Variants in DNAH8 observed in about 807,000 individuals in gnomAD.
DNAH8 encodes axonemal beta dynein heavy chain 8.
Under a neutral mutation model 562.1 loss-of-function variants are expected in DNAH8, and 382 were observed. That is an observed-to-expected ratio of 0.68 (90% CI 0.63 to 0.74). The LOEUF (loss-of-function observed/expected upper bound fraction) is 0.74, where lower values mean the gene tolerates loss of function less well. Ranked by LOEUF, DNAH8 falls within the 30% of genes least tolerant of loss-of-function variation. The pLI is 0.00. For missense variants in DNAH8, 5,203 were observed against 5,620.4 expected, an observed-to-expected ratio of 0.93 and a Z score of 2.37; for synonymous variants, 1,881 against 1,919.4, an observed-to-expected ratio of 0.98 and a Z score of 0.52.
intron 41 of DNAH8, among the ~76,000 whole-genome samples, chr6:38,856,043 T>A (rs112197744): frequency 3.0e-4 from 46 of 152,322 alleles, no homozygotes; most frequent in African/African-American, 1.1e-3. Context: ...CTGGTATAGA[T>A]CACTAACACT....
At chr6:38,997,978 G>A (rs1403649933) in intron 88 of DNAH8, among the ~76,000 whole-genome samples, 1 of 152,132 alleles carries the variant, frequency 6.6e-6, no homozygotes, top group East Asian at 1.9e-4. Context: ...GGCTGGTCTC[G>A]AACTCCTGAC....
At chr6:39,006,203 C>T (rs897105175) in intron 88 of DNAH8, among the ~76,000 whole-genome samples, 2 of 152,238 alleles carry the variant, frequency 1.3e-5, no homozygotes, top group Non-Finnish European at 2.9e-5. Flanking sequence ...TTAGCACCTA[C>T]AGAACTGTAA....
chr6:38,962,223 T>G lies in DNAH8; in HGVS notation c.12452-9369T>G, dbSNP rs1204156600. On this transcript the variant is annotated intron_variant, in intron 82 of 92. Transcript: ENST00000327475. The stretch of plus-strand genomic sequence containing the variant: ...AAGATGTCAATATTTCCTAAATTAA[T>G]CTATAAATTGAAGCCAAGTCTAATT... Among the ~76,000 whole-genome samples, 7 of 152,214 alleles carry G rather than the reference T, an allele frequency of 4.6e-5. No homozygotes were observed. In the East Asian group the frequency reaches 1.3e-3, roughly 29 times the overall value.
chr6:38,876,271 C>T (rs1019252443), intron 53 of DNAH8, among the ~76,000 whole-genome samples: 1 of 152,122 alleles, frequency 6.6e-6, no homozygotes, highest in Non-Finnish European at 1.5e-5. Context: ...GTCACCTTAG[C>T]CCCCCAGCCT....
chr6:38,870,636 C>T lies in DNAH8; in HGVS notation c.6990+74C>T, dbSNP rs565661396. ...ACATTCCTGTCTGAATAGAAAAACT[C>T]ATAGTTAGTCTTACTTGATGTAAAT... On this transcript the variant is annotated intron_variant, in intron 49 of 92. Transcript: ENST00000327475. 10 of 1,381,720 alleles carry T rather than the reference C, an allele frequency of 7.2e-6. No homozygotes were observed. The East Asian group carries it at 2.2e-4, about 31-fold the overall frequency. 85.6% of individuals were successfully genotyped at this position (1,381,720 alleles called of 1,614,324 possible).
intron 26 of DNAH8, among the ~76,000 whole-genome samples, chr6:38,816,961 CT>C (rs1276962569): frequency 1.3e-5 from 2 of 152,054 alleles, no homozygotes; most frequent in Non-Finnish European, 2.9e-5. Flanking sequence ...CAACTGGTCT[CT>C]TTAACTTTTT....
intron 89 of DNAH8, among the ~76,000 whole-genome samples, chr6:39,009,343 A>G (rs938487486): frequency 6.6e-6 from 1 of 152,092 alleles, no homozygotes; most frequent in Admixed American, 6.5e-5. Context: ...CCAAAAAGCA[A>G]TGGTGTTGGT....
At chr6:38,759,139 CA>C (rs1372339607) in intron 10 of DNAH8, among the ~76,000 whole-genome samples, 3 of 151,376 alleles carry the variant, frequency 2.0e-5, no homozygotes, top group Non-Finnish European at 2.9e-5. Flanking sequence ...CTTGGCTCTA[CA>C]AAAAAAAATT....
intron 1 of DNAH8, among the ~76,000 whole-genome samples, chr6:38,717,059 A>T (rs1582807748): frequency 1.3e-5 from 2 of 152,148 alleles, no homozygotes; most frequent in Non-Finnish European, 2.9e-5. Flanking sequence ...CAAACCAAAA[A>T]AGAACAGCCA....
Position 38,886,932 on chromosome 6 carries a change from C to A in DNAH8, c.8401C>A (p.Gln2801Lys), listed in dbSNP as rs749857369. 2.5e-6 allele frequency: 4 copies of A among 1,614,040 alleles called. No individual in the cohort carries two copies. The South Asian group carries it at 3.3e-5, about 13-fold the overall frequency. ...TGGAGGTGGTCGAAATGATATTCCA[C>A]AACGTTTAAAAAGACAATTTACTGT... ...HPGGGRNDIPQRLKRQFTVFN... is the reference protein window; with the variant it reads ...HPGGGRNDIPKRLKRQFTVFN... The change falls in exon 57 of 93, where the codon CAA (glutamine) becomes AAA (lysine). Residue 2801 changes from glutamine to lysine, a missense_variant. By Grantham distance (53) the Gln-to-Lys change is moderately conservative. Transcript: ENST00000327475.
chr6:38,869,569 G>A (rs553214221), intron 48 of DNAH8, among the ~76,000 whole-genome samples: 12 of 152,342 alleles, frequency 7.9e-5, no homozygotes, highest in African/African-American at 2.9e-4. Context: ...GACATTGCAA[G>A]CAAGGATTGG....
intron 82 of DNAH8, among the ~76,000 whole-genome samples, chr6:38,953,835 C>T (rs984310276): frequency 6.6e-6 from 1 of 151,086 alleles, no homozygotes; most frequent in African/African-American, 2.5e-5. Flanking sequence ...ATCTTGAAAT[C>T]CAATTACTTT....
At chr6:38,972,097 A>G (rs1203353356) in intron 83 of DNAH8, 1 of 153,604 alleles carries the variant, frequency 6.5e-6, no homozygotes, top group Non-Finnish European at 1.4e-5. Flanking sequence ...TGCTATGTTT[A>G]AATACTGATA....
In DNAH8 at chr6:38,984,274, CTT is replaced by C. The variant is rs1764222892; in HGVS notation, c.13022_13023del (p.Phe4341Ter). On this transcript the variant is annotated frameshift_variant, in exon 87 of 93. Coordinates refer to ENST00000327475, the MANE Select transcript of DNAH8 (RefSeq NM_001206927.2). LOFTEE classifies it high-confidence loss of function. ...AATATGGAGGCAGAGTGACAGATGA[CTT>C]TGACAAACGTCTACTTAATTGCTTT... ...VQYGGRVTDD[F>X]DKRLLNCFAR... 1 of 1,610,214 alleles carries C rather than the reference CTT, an allele frequency of 6.2e-7. No homozygotes were observed.
At chr6:38,781,229 A>ATT in intron 15 of DNAH8, 25 bp from the exon 16 acceptor site, 1 of 1,612,966 alleles carries the variant, frequency 6.2e-7, no homozygotes, top group Non-Finnish European at 8.5e-7. Flanking sequence ...GAATTCAAAC[A>ATT]TTAACATCAG....
At chr6:38,797,775 TA>T (rs1392671841) in intron 21 of DNAH8, among the ~76,000 whole-genome samples, 1 of 152,096 alleles carries the variant, frequency 6.6e-6, no homozygotes, top group Non-Finnish European at 1.5e-5. Context: ...TTAAAAAGTT[TA>T]AAAAGTGATC....
chr6:38,758,037 T>C (rs1766103096), intron 10 of DNAH8, among the ~76,000 whole-genome samples: 1 of 152,230 alleles, frequency 6.6e-6, no homozygotes, highest in African/African-American at 2.4e-5. Flanking sequence ...ATATGAACTT[T>C]AAAGTAGTTT....
rs1171266562 is a variant in DNAH8, at chr6:38,845,581, G to A, written c.4853G>A (p.Cys1618Tyr). The change falls in exon 36 of 93, where the codon TGC becomes TAC. Residue 1618 changes from cysteine to tyrosine, a missense_variant. Physicochemically the swap from Cys to Tyr is radical, Grantham distance 194. This residue lies in a region of DNAH8 where 2,176 missense variants were observed against 2,365.1 expected (regional missense o/e 0.92). Transcript: ENST00000327475. ...LKHKDDIEDI[C>Y]ISAIKEKDIE... ...TTTGCTTTTCCTTCAAAGGATATTT[G>A]CATATCTGCCATTAAGGAGAAGGAT... is the stretch of plus-strand genomic sequence containing the variant. 4 of 1,612,908 alleles carry A rather than the reference G, an allele frequency of 2.5e-6. No homozygotes were observed. Among genetic ancestry groups the A allele is most frequent in the Non-Finnish European group, 2.5e-6 (3 of 1,179,112 alleles).
chr6:38,750,495 C>A lies in DNAH8; in HGVS notation c.1313C>A (p.Ala438Glu). ...KLLKNWRDLDARITDTANESK... is the reference protein window; with the variant it reads ...KLLKNWRDLDERITDTANESK... ...TCTTAGAATTGGCGTGATTTGGATG[C>A]AAGAATCACTGATACAGCAAATGAA... Residue 438 changes from alanine (A) to glutamate (E), a missense_variant, in exon 9 of 93, where the codon GCA (alanine) becomes GAA (glutamate). Coordinates refer to ENST00000327475, the MANE Select transcript of DNAH8 (RefSeq NM_001206927.2). 1.2e-6 allele frequency: 2 copies of A among 1,609,460 alleles called. No individual in the cohort carries two copies. The highest frequency in any genetic ancestry group is 1.7e-6 in the Non-Finnish European group (2 of 1,177,682).
Sources: allele counts gnomAD v4.1 joint callset (sites outside exome capture counted in the v4.1 genomes callset), GRCh38; gene constraint gnomAD v4.1.1; regional missense constraint gnomAD v4.1.1; transcripts MANE v1.5; gene names NCBI Gene and HGNC (gene_info 2026-07-23, HGNC 2026-07-21).